The following LAMA3 variants were observed in gnomAD, a reference collection of about 807,000 sequenced individuals.
LAMA3 encodes the protein laminin subunit alpha 3.
In LAMA3, 281 loss-of-function variants were observed where a neutral mutation model predicts 402.0. The observed-to-expected ratio is 0.70, with a 90% CI of 0.63 to 0.77. LAMA3 has a LOEUF of 0.77. LAMA3 is among the 30% of genes least tolerant of loss of function. The pLI, the probability that LAMA3 is intolerant of heterozygous loss-of-function variation, is 0.00. For synonymous variants in LAMA3, 1,431 were observed against 1,558.4 expected (o/e 0.92, Z 1.93); for missense variants, 3,840 against 4,215.5 (o/e 0.91, Z 2.47).
In LAMA3 at chr18:23,749,455, T is replaced by G; in HGVS notation, c.593T>G (p.Phe198Cys). Residue 198 changes from phenylalanine to cysteine, a missense_variant, in exon 4 of 75, where the codon TTT becomes TGT. Coordinates refer to ENST00000313654, the MANE Select transcript of LAMA3 (RefSeq NM_198129.4). ...AHSKVDCLKEFGREANMAVTR... is the reference protein window; with the variant it reads ...AHSKVDCLKECGREANMAVTR... ...TCTAAAGTAGACTGTTTAAAAGAATTTGGGCGGGAGGCAAATATGGCTGTC... is the reference window on the plus strand; with the variant it reads ...TCTAAAGTAGACTGTTTAAAAGAATGTGGGCGGGAGGCAAATATGGCTGTC... 6.2e-7 allele frequency: 1 copy of G among 1,608,152 alleles called. No individual in the cohort carries two copies. The highest frequency in any genetic ancestry group is 8.5e-7 in the Non-Finnish European group (1 of 1,174,700).
At position 23,907,686 on chromosome 18, in the gene LAMA3, A is replaced by G. The variant is rs372242986; in HGVS notation, c.6835+20A>G. The G allele has an allele frequency of 4.1e-5, 66 of 1,611,220 alleles. No individual in the cohort carries two copies. The highest frequency in any genetic ancestry group is 1.5e-4 in the Admixed American group (9 of 60,012). ...AGAGAGGTCAGCATCTTCCTAATCC[A>G]TTGTACTCGGTTGGCTTCTTTTGTT... On this transcript the variant is annotated intron_variant, in intron 53 of 74. Transcript: ENST00000313654.
At chr18:23,908,862 T>A (rs1299037233) in intron 54 of LAMA3, among the ~76,000 whole-genome samples, 1 of 152,236 alleles carries the variant, frequency 6.6e-6, no homozygotes, top group East Asian at 1.9e-4. Flanking sequence ...TGGGACCATA[T>A]GAGATTTCGT....
chr18:23,845,294 G>A (rs537181091), intron 30 of LAMA3, among the ~76,000 whole-genome samples, 170 bp downstream of exon 30: 37 of 152,134 alleles, frequency 2.4e-4, no homozygotes, highest in Non-Finnish European at 4.6e-4. Context: ...ACCAACCCTC[G>A]CATGACAGAC....
At chr18:23,806,914 G>A (rs2062972705) in intron 12 of LAMA3, among the ~76,000 whole-genome samples, 1 of 152,162 alleles carries the variant, frequency 6.6e-6, no homozygotes, top group African/African-American at 2.4e-5. Flanking sequence ...AGCCCAATTA[G>A]GAGCAACCAG....
intron 38 of LAMA3, chr18:23,873,108 C>A (rs1205228946): frequency 6.2e-7 from 1 of 1,614,072 alleles, no homozygotes; most frequent in East Asian, 2.2e-5. Flanking sequence ...TGGGGCAGCC[C>A]TGGGGCAGTG....
At chr18:23,953,332 T>G (rs1199338770) in intron 74 of LAMA3, among the ~76,000 whole-genome samples, 1 of 148,660 alleles carries the variant, frequency 6.7e-6, no homozygotes, top group Non-Finnish European at 1.5e-5. Flanking sequence ...TTTGTTTTTT[T>G]TTTTTGTTTT....
intron 8 of LAMA3, among the ~76,000 whole-genome samples, chr18:23,766,877 C>A (rs2062086992): frequency 6.6e-6 from 1 of 151,966 alleles, no homozygotes; most frequent in Admixed American, 6.6e-5. Context: ...CCAGAGCAAT[C>A]AGTCAAGAGA....
intron 2 of LAMA3, among the ~76,000 whole-genome samples, chr18:23,737,362 T>G (rs1177179055): frequency 6.6e-6 from 1 of 152,196 alleles, no homozygotes; most frequent in East Asian, 1.9e-4. Context: ...AGGCATGGAA[T>G]CCACCCGCAC....
At chr18:23,809,715 A>C (rs1031553735) in intron 12 of LAMA3, among the ~76,000 whole-genome samples, 1 of 152,068 alleles carries the variant, frequency 6.6e-6, no homozygotes, top group Non-Finnish European at 1.5e-5. Flanking sequence ...AGCTTGGGGG[A>C]GGGAGGAAAC....
In LAMA3 at chr18:23,910,013, T is replaced by C. The variant is rs367552580; in HGVS notation, c.7158+718T>C. ...CCTTTCTTCTAAGAAAGCAAAGTATTCCCAACATAAAAACTTGAACAGGAA... is the reference window on the plus strand; with the variant it reads ...CCTTTCTTCTAAGAAAGCAAAGTATCCCCAACATAAAAACTTGAACAGGAA... On this transcript the variant is annotated intron_variant, in intron 55 of 74. Coordinates refer to ENST00000313654, the MANE Select transcript of LAMA3 (RefSeq NM_198129.4). 1.2e-3 allele frequency among the ~76,000 whole-genome samples: 187 copies of C among 152,256 alleles called. 2 individuals carry two copies. In the South Asian group the frequency reaches 0.013, roughly 11 times the overall value.
chr18:23,917,404 T>G (rs1768357524), intron 60 of LAMA3, among the ~76,000 whole-genome samples: 1 of 152,210 alleles, frequency 6.6e-6, no homozygotes, highest in African/African-American at 2.4e-5. Flanking sequence ...GATTGCTGGA[T>G]CAAATGGTAG....
rs150447605 is a variant in LAMA3 at position 23,953,734 on chromosome 18, G to T, written c.9856+625G>T. 3.4e-3 allele frequency among the ~76,000 whole-genome samples: 512 copies of T among 152,256 alleles called. 6 individuals are homozygous for T. The highest frequency in any genetic ancestry group is 0.012 in the African/African-American group (492 of 41,550). ...AGTCAGGAAAAGGGTCTGAAAAACT[G>T]GTCTCTGTCCTCTTCAGGTATTTAG... On this transcript the variant is annotated intron_variant, in intron 74 of 74. Coordinates refer to ENST00000313654, the MANE Select transcript of LAMA3 (RefSeq NM_198129.4).
chr18:23,801,361 T>C (rs2144190809), intron 12 of LAMA3, among the ~76,000 whole-genome samples: 1 of 152,308 alleles, frequency 6.6e-6, no homozygotes, highest in African/African-American at 2.4e-5. Flanking sequence ...GCTCAGTACC[T>C]GGGCGATTTT....
intron 32 of LAMA3, among the ~76,000 whole-genome samples, chr18:23,849,348 C>T (rs2063894302): frequency 6.6e-6 from 1 of 152,190 alleles, no homozygotes; most frequent in African/African-American, 2.4e-5. Flanking sequence ...AGGTGTGAGT[C>T]CTGCCTGAGT....
rs564807693 is a variant in LAMA3, at chr18:23,879,036, G to C, written c.5112+2629G>C. Among the ~76,000 whole-genome samples the C allele has an allele frequency of 6.9e-6, 1 of 144,982 alleles. No individual in the cohort carries two copies. Among genetic ancestry groups the C allele is most frequent in the Non-Finnish European group, 1.5e-5 (1 of 66,960 alleles). On this transcript the variant is annotated intron_variant, in intron 39 of 74. Coordinates refer to ENST00000313654, the MANE Select transcript of LAMA3 (RefSeq NM_198129.4). The surrounding 1 kb of genome is among the most constrained non-coding windows in gnomAD (Gnocchi z 4.2). ...CCCGTCACCCCTTATTTTCCTCTCC[G>C]TTCCTATTTCCCTCCCCTTTTCTTT...
At position 23,872,824 on chromosome 18, in the gene LAMA3, C is replaced by T. The variant is rs553268292; in HGVS notation, c.4998+1163C>T. The T allele has an allele frequency of 1.5e-3, 848 of 570,820 alleles. 2 individuals are homozygous for T. The highest frequency in any genetic ancestry group is 2.1e-3 in the Non-Finnish European group (679 of 317,760). The allele number at this position is 570,820 out of a possible 1,614,324, so 35.4% of individuals were successfully genotyped here. A position where few individuals can be genotyped will look rare whatever the true frequency, so the allele number is the denominator to read the frequency against. On this transcript the variant is annotated intron_variant, in intron 38 of 74. Transcript: ENST00000313654. ...GGTGAGGTGGGTGGAAGGTGATGCCCGCCCCACCTCACAGGAATTACAGAG... is the reference window on the plus strand; with the variant it reads ...GGTGAGGTGGGTGGAAGGTGATGCCTGCCCCACCTCACAGGAATTACAGAG...
rs1215591158 is a variant in LAMA3 at position 23,775,840 on chromosome 18, G to A, written c.1322G>A (p.Gly441Asp). The A allele has an allele frequency of 1.2e-6, 2 of 1,614,016 alleles. No homozygotes were observed. Among genetic ancestry groups the A allele is most frequent in the East Asian group, 4.5e-5 (2 of 44,886 alleles). Residue 441 changes from glycine (G) to aspartate (D), a missense_variant, in exon 10 of 75, where the codon GGC (glycine) becomes GAC (aspartate). By Grantham distance (94) the Gly-to-Asp change is moderately conservative (BLOSUM62 -1). Transcript: ENST00000313654. ...EHADGCEQGS[G>D]RCHCKPNFHG... ...GCGGATGGCTGTGAACAGGGTTCAGGCCGCTGTCACTGCAAGCCAAATTTC... is the reference window on the plus strand; with the variant it reads ...GCGGATGGCTGTGAACAGGGTTCAGACCGCTGTCACTGCAAGCCAAATTTC...
intron 2 of LAMA3, among the ~76,000 whole-genome samples, chr18:23,738,539 A>G (rs1213421233): frequency 1.3e-5 from 2 of 152,216 alleles, no homozygotes; most frequent in African/African-American, 4.8e-5. Flanking sequence ...TTTGAGGAGC[A>G]TGGAGAATCA....
At chr18:23,759,542 C>A (rs547050065) in intron 7 of LAMA3, among the ~76,000 whole-genome samples, 2 of 152,232 alleles carry the variant, frequency 1.3e-5, no homozygotes, top group South Asian at 4.1e-4. Context: ...ATTACAGACA[C>A]CTGCCACCAT....
Sources: allele counts gnomAD v4.1 joint callset (sites outside exome capture counted in the v4.1 genomes callset), GRCh38; gene constraint gnomAD v4.1.1; non-coding constraint Gnocchi (gnomAD v3.1); transcripts MANE v1.5; gene names NCBI Gene and HGNC (gene_info 2026-07-23, HGNC 2026-07-21).